Variants in NEB observed in about 807,000 individuals in gnomAD.
NEB encodes nemaline myopathy type 2.
NEB carries 512 observed loss-of-function variants against 952.2 expected under a neutral mutation model. That is an observed-to-expected ratio of 0.54 (90% confidence interval 0.50 to 0.58). The LOEUF is 0.58. NEB is among the 20% of genes least tolerant of loss of function. NEB has a pLI of 0.00. For synonymous variants in NEB, 2,900 were observed against 3,149.8 expected (o/e 0.92, Z 2.66); for missense variants, 8,428 against 9,231.1 (o/e 0.91, Z 3.56).
chr2:151,525,867 A>T, intron 150 of NEB, 91 bp downstream of exon 150: 1 of 967,828 alleles, frequency 1.0e-6, no homozygotes, highest in Non-Finnish European at 1.7e-6. Context: ...GAAGCTACAT[A>T]AAGGAAGCAA....
intron 54 of NEB, among the ~76,000 whole-genome samples, chr2:151,648,028 T>C (rs574602169): frequency 7.2e-4 from 109 of 152,216 alleles, no homozygotes; most frequent in Non-Finnish European, 1.2e-3. Flanking sequence ...TATAGATATA[T>C]AGATATAGAT....
chr2:151,570,591 C>G lies in NEB; in HGVS notation c.17024G>C (p.Arg5675Pro). 6.3e-7 allele frequency: 1 copy of G among 1,594,412 alleles called. No homozygotes were observed. The highest frequency in any genetic ancestry group is 8.5e-7 in the Non-Finnish European group (1 of 1,170,190). ...CGCCTTCATTTCATCCCAGCCCTCA[C>G]GGTAAAGTTTCTGAAAAGGAGAAAA... ...NALNVSNKLY[R>P]EGWDEMKAGC... Residue 5675 changes from arginine to proline, a missense_variant, in exon 108 of 182, where the codon CGT becomes CCT. Coordinates refer to ENST00000397345, the MANE Select transcript of NEB (RefSeq NM_001164508.2).
chr2:151,639,406 T>G (rs1363614738), intron 62 of NEB, 22 bp from the exon 63 acceptor site: 5 of 1,494,914 alleles, frequency 3.3e-6, no homozygotes, highest in Non-Finnish European at 4.5e-6. Context: ...AATACACAAA[T>G]TCATCAGGAA....
chr2:151,675,251 G>A (rs2099350469), intron 35 of NEB, 36 bp downstream of exon 35: 1 of 1,385,306 alleles, frequency 7.2e-7, no homozygotes, highest in Non-Finnish European at 1.0e-6. Context: ...TTATTGTCAG[G>A]TCCGAATTTC....
intron 74 of NEB, 28 bp downstream of exon 74, chr2:151,618,247 T>C (rs749668960): frequency 6.3e-7 from 1 of 1,594,622 alleles, no homozygotes; most frequent in South Asian, 1.1e-5. Flanking sequence ...TAACTTTCGG[T>C]ATCTAACAGT....
chr2:151,677,909 C>A lies in NEB; in HGVS notation c.3534G>T (p.Glu1178Asp), dbSNP rs771130340. ...YTYLPDAMDL[E>D]LSKNMMQIQS... ...GTATCTGCATCATGTTCTTAGACAG[C>A]TCCAGGTCCATGGCGTCAGGCAAGT... is the stretch of plus-strand genomic sequence containing the variant. The change falls in exon 33 of 182, where the codon GAG becomes GAT. Residue 1178 changes from glutamate (E) to aspartate (D), a missense_variant. Physicochemically the swap from Glu to Asp is conservative, Grantham distance 45. Transcript: ENST00000397345. The A allele has an allele frequency of 1.2e-6, 2 of 1,613,022 alleles. No homozygotes were observed. The highest frequency in any genetic ancestry group is 1.3e-5 in the African/African-American group (1 of 74,896).
intron 123 of NEB, 141 bp from the exon 124 acceptor site, chr2:151,560,840 T>A: frequency 1.3e-6 from 1 of 768,588 alleles, no homozygotes; most frequent in Non-Finnish European, 2.1e-6. Context: ...GGGGCTTATT[T>A]AATTGTACCT....
chr2:151,542,983 T>C (rs1348151126), intron 135 of NEB, among the ~76,000 whole-genome samples: 1 of 152,210 alleles, frequency 6.6e-6, no homozygotes, highest in Non-Finnish European at 1.5e-5. Context: ...ATGGCTGCTT[T>C]CACAGACTGT....
chr2:151,545,510 G>A (rs184439256), intron 135 of NEB, among the ~76,000 whole-genome samples: 37 of 152,194 alleles, frequency 2.4e-4, no homozygotes, highest in African/African-American at 8.4e-4. Context: ...AGGAGACAGA[G>A]GTTGCAGTGA....
At position 151,548,406 on chromosome 2, in the gene NEB, T is replaced by G; in HGVS notation, c.20059A>C (p.Lys6687Gln). The change falls in exon 131 of 182, where the codon AAA (lysine) becomes CAA (glutamine). Residue 6687 changes from lysine to glutamine, a missense_variant. By Grantham distance (53) the Lys-to-Gln change is moderately conservative (BLOSUM62 1). Coordinates refer to ENST00000397345, the MANE Select transcript of NEB (RefSeq NM_001164508.2). ...GCCTTGGTGTGTTCATAGGCTTCTT[T>G]GTACTTGAACTGCAAAAGCAAAGTC... Reference protein sequence around the residue: ...TRYMSSYFKYKEAYEHTKAYG... With the variant: ...TRYMSSYFKYQEAYEHTKAYG... The G allele has an allele frequency of 6.2e-7, 1 of 1,612,414 alleles. No individual in the cohort carries two copies. The highest frequency in any genetic ancestry group is 1.1e-5 in the South Asian group (1 of 91,044).
Position 151,709,067 on chromosome 2 carries a change from G to A in NEB, c.1035+589C>T, listed in dbSNP as rs181937401. 6.6e-5 allele frequency among the ~76,000 whole-genome samples: 10 copies of A among 152,292 alleles called. No individual in the cohort carries two copies. The East Asian group carries it at 1.3e-3, about 21-fold the overall frequency. Reference sequence around the variant, plus strand: ...GTTTATGCTCTCTTTAGTGACCATCGTGCTTTAGAATGCTAAGGACTCAGG... The same window carrying A: ...GTTTATGCTCTCTTTAGTGACCATCATGCTTTAGAATGCTAAGGACTCAGG... On this transcript the variant is annotated intron_variant, in intron 12 of 181. Transcript: ENST00000397345.
chr2:151,714,316 T>C (rs1264099498), intron 10 of NEB, among the ~76,000 whole-genome samples: 1 of 152,214 alleles, frequency 6.6e-6, no homozygotes, highest in Non-Finnish European at 1.5e-5. Flanking sequence ...CATTGTTCGC[T>C]TTGTGGGCCC....
chr2:151,678,078 G>A lies in NEB; in HGVS notation c.3365C>T (p.Ser1122Leu). The A allele has an allele frequency of 6.2e-7, 1 of 1,613,820 alleles. No individual in the cohort carries two copies. The highest frequency in any genetic ancestry group is 8.5e-7 in the Non-Finnish European group (1 of 1,179,778). ...ATAGTCTTTTTTATACTCCCGATCT[G>A]ATTGTATCTTGGCCACGTTCATATA... The part of the protein sequence containing the change: ...VHYMNVAKIQ[S>L]DREYKKDYEK... Residue 1122 changes from serine to leucine, a missense_variant, in exon 33 of 182, where the codon TCA becomes TTA. Ser to Leu is a moderately radical substitution (Grantham distance 145). Around this residue, in one of 11 missense-constraint regions of NEB, gnomAD observed 2,851 missense variants for 2,791.5 expected, o/e 1.02. Coordinates refer to ENST00000397345, the MANE Select transcript of NEB (RefSeq NM_001164508.2).
chr2:151,665,278 A>T, intron 42 of NEB, 55 bp downstream of exon 42: 3 of 1,533,294 alleles, frequency 2.0e-6, no homozygotes. Flanking sequence ...TGCCAGGCTC[A>T]ATGTCATGAA....
At position 151,695,623 on chromosome 2, in the gene NEB, A is replaced by G; in HGVS notation, c.1629T>C (p.Thr543=). 4 of 1,613,936 alleles carry G rather than the reference A, an allele frequency of 2.5e-6. No individual in the cohort carries two copies. The highest frequency in any genetic ancestry group is 3.4e-6 in the Non-Finnish European group (4 of 1,179,842). The change falls in exon 18 of 182, where the codon ACT becomes ACC. Residue 543 remains threonine, a synonymous_variant. Transcript: ENST00000397345. ...EKFKCHIPPD[T]PAFIQHKVNA... is the part of the protein sequence containing the mutation. ...TGACTTTGTGCTGGATAAAAGCAGG[A>G]GTATCAGGGGGGATATGGCACTTGA...
chr2:151,656,049 C>T (rs892225999), intron 49 of NEB, 26 bp from the exon 50 acceptor site: 4 of 1,605,460 alleles, frequency 2.5e-6, no homozygotes, highest in Non-Finnish European at 3.4e-6. Flanking sequence ...GCAAATTCTA[C>T]TTTATCTTAT....
At chr2:151,545,165 G>A (rs4664485) in intron 135 of NEB, among the ~76,000 whole-genome samples, 89,966 of 152,188 alleles carry the variant, frequency 0.59, 27,096 homozygotes, top group Admixed American at 0.69. Context: ...CAGCAGAGCA[G>A]GGAGCCACTG....
Position 151,697,449 on chromosome 2 carries a change from A to T in NEB, c.1266T>A (p.Tyr422Ter), listed in dbSNP as rs2149360884. 2 of 1,613,166 alleles carry T rather than the reference A, an allele frequency of 1.2e-6. No individual in the cohort carries two copies. The highest frequency in any genetic ancestry group is 1.7e-6 in the Non-Finnish European group (2 of 1,179,354). ...AAATATCTTTTAAGTAGGAATCTTT[A>T]TATTTTTTCTGCAAGACAAAACATA... ...VLQNFSSDKK[Y>*]KDSYLKDILG... Residue 422 changes from tyrosine to a stop codon, truncating the protein, a stop_gained, in exon 15 of 182, where the codon TAT (tyrosine) becomes TAA (stop). Transcript: ENST00000397345. LOFTEE classifies it high-confidence loss of function.
chr2:151,575,889 G>T (rs2096810839), intron 106 of NEB, 90 bp from the exon 107 acceptor site: 2 of 967,164 alleles, frequency 2.1e-6, no homozygotes, highest in African/African-American at 1.6e-5. Context: ...TTTTGGATTT[G>T]ATCCAAAACC....
Sources: allele counts gnomAD v4.1 joint callset (sites outside exome capture counted in the v4.1 genomes callset), GRCh38; gene constraint gnomAD v4.1.1; regional missense constraint gnomAD v4.1.1; transcripts MANE v1.5; gene names NCBI Gene and HGNC (gene_info 2026-07-23, HGNC 2026-07-21).